Variants in ITGA1 observed in about 807,000 individuals in gnomAD.
ITGA1 encodes integrin subunit alpha 1.
ITGA1 carries 85 observed loss-of-function variants against 145.9 expected under a neutral mutation model. The ratio of observed to expected loss-of-function variants is 0.58; its 90% CI spans 0.49 to 0.70. ITGA1 has a LOEUF of 0.70. Among genes scored for constraint, ITGA1 ranks in the 30% least tolerant of loss-of-function variants. The pLI, the probability that ITGA1 is intolerant of heterozygous loss-of-function variation, is 0.00. For missense variants in ITGA1, 1,351 were observed against 1,418.7 expected (o/e 0.95, Z 0.77); for synonymous variants, 520 against 495.3 (o/e 1.05, Z -0.66).
At chr5:52,937,666 GTAT>G in intron 24 of ITGA1, 152 bp downstream of exon 24, 1 of 619,020 alleles carries the variant, frequency 1.6e-6, no homozygotes, top group Non-Finnish European at 2.9e-6. Flanking sequence ...AATAATAGAT[GTAT>G]TATTCCCTAG....
chr5:52,947,522 A>T (rs549664814), intron 28 of ITGA1, 61 bp downstream of exon 28: 1 of 950,916 alleles, frequency 1.1e-6, no homozygotes, highest in Admixed American at 1.7e-5. Flanking sequence ...TGGAGAAATA[A>T]GCTCTGATAT....
At chr5:52,801,422 C>T (rs1748481111) in intron 1 of ITGA1, 1 of 1,612,160 alleles carries the variant, frequency 6.2e-7, no homozygotes, top group Non-Finnish European at 8.5e-7. Context: ...CATGCCTCCT[C>T]CGGACACAAG....
chr5:52,951,866 G>T (rs2079884971), intron 28 of ITGA1, among the ~76,000 whole-genome samples: 1 of 152,170 alleles, frequency 6.6e-6, no homozygotes, highest in African/African-American at 2.4e-5. Flanking sequence ...TTTACTAGGG[G>T]TCATGGTGTA....
intron 23 of ITGA1, among the ~76,000 whole-genome samples, chr5:52,936,374 G>A (rs1405435190): frequency 6.6e-6 from 1 of 152,290 alleles, no homozygotes; most frequent in East Asian, 1.9e-4. Flanking sequence ...AGGTGCAGCT[G>A]GTCAGGAACC....
chr5:52,948,780 T>C (rs544548658), intron 28 of ITGA1: 1 of 152,294 alleles, frequency 6.6e-6, no homozygotes, highest in East Asian at 1.9e-4. Flanking sequence ...AGTGTTACTG[T>C]TGATTTTTTT....
At chr5:52,847,157 A>G (rs28701709) in intron 1 of ITGA1, among the ~76,000 whole-genome samples, 2,100 of 152,240 alleles carry the variant, frequency 0.014, 45 homozygotes, top group African/African-American at 0.045. Flanking sequence ...AAAAATAAGA[A>G]AGGAGGTTTT....
At chr5:52,901,849 G>A (rs1403327012) in intron 11 of ITGA1, 1 of 152,166 alleles carries the variant, frequency 6.6e-6, no homozygotes, top group Non-Finnish European at 1.5e-5. Flanking sequence ...ACAGTGTGCT[G>A]AGATTTTCTT....
chr5:52,845,718 C>T (rs1749321709), intron 1 of ITGA1, among the ~76,000 whole-genome samples: 1 of 152,168 alleles, frequency 6.6e-6, no homozygotes, highest in Non-Finnish European at 1.5e-5. Flanking sequence ...TGCTGCTAAA[C>T]ACTCTATAGT....
intron 1 of ITGA1, among the ~76,000 whole-genome samples, chr5:52,811,626 T>G (rs1748685114): frequency 6.6e-6 from 1 of 152,162 alleles, no homozygotes; most frequent in Non-Finnish European, 1.5e-5. Context: ...GACTTTAAAC[T>G]TGAATATAGG....
At chr5:52,917,957 C>G (rs540254708) in intron 15 of ITGA1, among the ~76,000 whole-genome samples, 56 of 152,172 alleles carry the variant, frequency 3.7e-4, no homozygotes, top group African/African-American at 1.2e-3. Flanking sequence ...TAGCTCTGGC[C>G]ACAAGGCAGA....
chr5:52,791,436 C>G (rs1748237300), intron 1 of ITGA1, among the ~76,000 whole-genome samples: 1 of 152,070 alleles, frequency 6.6e-6, no homozygotes, highest in Non-Finnish European at 1.5e-5. Flanking sequence ...AGGAATGCAG[C>G]TAGTGACAAA....
In ITGA1 at chr5:52,932,111, T is replaced by C. The variant is rs1008082261; in HGVS notation, c.2836T>C (p.Tyr946His). 1.9e-6 allele frequency: 3 copies of C among 1,608,578 alleles called. No individual in the cohort carries two copies. The highest frequency in any genetic ancestry group is 1.7e-5 in the Admixed American group (1 of 59,880). ...NVVNISIPVKYEVGLQFYSSA... is the reference protein window; with the variant it reads ...NVVNISIPVKHEVGLQFYSSA... ...AGTAAACATTTCTATCCCGGTAAAA[T>C]ATGAAGTTGGACTACAGTTTTACAG... The change falls in exon 22 of 29, where the codon TAT becomes CAT. Residue 946 changes from tyrosine (Y) to histidine (H), a missense_variant. Physicochemically the swap from Tyr to His is moderately conservative, Grantham distance 83. Coordinates refer to ENST00000282588, the MANE Select transcript of ITGA1 (RefSeq NM_181501.2).
intron 19 of ITGA1, among the ~76,000 whole-genome samples, chr5:52,926,731 G>T (rs1750817613): frequency 6.6e-6 from 1 of 151,796 alleles, no homozygotes; most frequent in African/African-American, 2.4e-5. Flanking sequence ...TGACTTAATG[G>T]CCTGGCAGAG....
intron 1 of ITGA1, among the ~76,000 whole-genome samples, chr5:52,833,201 A>G (rs1359298716): frequency 6.6e-6 from 1 of 152,016 alleles, no homozygotes. Flanking sequence ...CAAAAAAAAA[A>G]AAATGCTTTG....
At chr5:52,951,080 C>A (rs1751212225) in intron 28 of ITGA1, among the ~76,000 whole-genome samples, 1 of 152,204 alleles carries the variant, frequency 6.6e-6, no homozygotes, top group East Asian at 1.9e-4. Flanking sequence ...GACATGAGCC[C>A]TGAATAAAAA....
At chr5:52,886,429 A>C (rs1750048329) in intron 7 of ITGA1, among the ~76,000 whole-genome samples, 1 of 152,096 alleles carries the variant, frequency 6.6e-6, no homozygotes, top group Admixed American at 6.5e-5. Context: ...AACTCTTTGG[A>C]ATGTTAGCTT....
chr5:52,815,415 T>C (rs1322460787), intron 1 of ITGA1, among the ~76,000 whole-genome samples: 1 of 152,208 alleles, frequency 6.6e-6, no homozygotes, highest in Non-Finnish European at 1.5e-5. Flanking sequence ...TTGCTGTTTA[T>C]CTGAAATTCA....
chr5:52,901,054 T>G (rs1014344506), intron 11 of ITGA1, among the ~76,000 whole-genome samples: 1 of 152,302 alleles, frequency 6.6e-6, no homozygotes, highest in South Asian at 2.1e-4. Context: ...ATGATGAAAT[T>G]AAGGATCCCG....
chr5:52,880,045 A>G (rs553299778), intron 6 of ITGA1, among the ~76,000 whole-genome samples: 8 of 152,336 alleles, frequency 5.3e-5, no homozygotes, highest in African/African-American at 1.9e-4. Flanking sequence ...TAGTTAAGCA[A>G]ATTCATTGAG....
Sources: gnomAD v4.1 joint callset for allele counts (sites outside exome capture counted in the v4.1 genomes callset) on GRCh38, gnomAD v4.1.1 for gene constraint, MANE v1.5 for transcripts, NCBI Gene and HGNC (gene_info 2026-07-23, HGNC 2026-07-21) for gene names.